The following CALN1 variants were observed in gnomAD, a reference collection of about 807,000 sequenced individuals.
CALN1 encodes the protein calneuron 1.
Under a neutral mutation model 30.6 loss-of-function variants are expected in CALN1, and 17 were observed. The observed-to-expected ratio is 0.56, with a 90% CI of 0.38 to 0.83. CALN1 has a LOEUF of 0.83. Among genes scored for constraint, CALN1 ranks in the 40% least tolerant of loss-of-function variants. The pLI is 0.00. For missense variants in CALN1, 291 were observed against 354.9 expected, an observed-to-expected ratio of 0.82 and a Z score of 1.45; for synonymous variants, 156 against 131.4, an observed-to-expected ratio of 1.19 and a Z score of -1.28.
In CALN1 at chr7:71,886,243, T is replaced by C. The variant is rs79497616; in HGVS notation, c.502-75751A>G. Among the ~76,000 whole-genome samples the C allele has an allele frequency of 5.2e-3, 792 of 152,354 alleles. 3 individuals are homozygous for C. Among genetic ancestry groups the C allele is most frequent in the Admixed American group, 0.015 (230 of 15,308 alleles). On this transcript the variant is annotated intron_variant, in intron 5 of 6. Transcript: ENST00000395275. The stretch of plus-strand genomic sequence containing the variant: ...CGAACATCTCCTTTGAAAGCTTCAT[T>C]GTTAAATCCAGCAGGGTCCTTAGGA...
At chr7:71,996,819 A>G (rs2129528268) in intron 5 of CALN1, among the ~76,000 whole-genome samples, 1 of 152,380 alleles carries the variant, frequency 6.6e-6, no homozygotes, top group African/African-American at 2.4e-5. Flanking sequence ...TGATGTTTCA[A>G]CAATCAATTA....
intron 5 of CALN1, among the ~76,000 whole-genome samples, chr7:71,929,726 G>T (rs1795450944): frequency 6.6e-6 from 1 of 152,174 alleles, no homozygotes; most frequent in Non-Finnish European, 1.5e-5. Context: ...GGTTTTTGTG[G>T]ATGTATGTTT....
At chr7:72,208,980 T>TACTTCCTTCCTTTC (rs1562738863) in intron 3 of CALN1, among the ~76,000 whole-genome samples, 29 of 149,104 alleles carry the variant, frequency 1.9e-4, no homozygotes, top group Non-Finnish European at 3.6e-4. Context: ...TCCTTCCTTT[T>TACTTCCTTCCTTTC]CCTACTTCCT....
chr7:72,307,924 C>T (rs922628458), intron 2 of CALN1, among the ~76,000 whole-genome samples: 1 of 152,080 alleles, frequency 6.6e-6, no homozygotes, highest in Admixed American at 6.5e-5. Flanking sequence ...CACAACCTAA[C>T]CCAAGAGGGT....
intron 3 of CALN1, among the ~76,000 whole-genome samples, chr7:72,177,102 C>T (rs191096411): frequency 6.6e-5 from 10 of 152,266 alleles, no homozygotes; most frequent in African/African-American, 2.4e-4. Context: ...TGGGTGTAAT[C>T]CTTAAAAGTG....
chr7:72,187,496 G>C (rs1196968927), intron 3 of CALN1, among the ~76,000 whole-genome samples: 1 of 152,144 alleles, frequency 6.6e-6, no homozygotes, highest in African/African-American at 2.4e-5. Context: ...ATTCTCATAG[G>C]AGCATAAGCC....
intron 3 of CALN1, among the ~76,000 whole-genome samples, chr7:72,180,500 T>G (rs2129546052): frequency 6.6e-6 from 1 of 151,628 alleles, no homozygotes. Flanking sequence ...AATTATTCAT[T>G]GACATCTTCA....
chr7:72,096,167 C>T (rs1269508753), intron 4 of CALN1, among the ~76,000 whole-genome samples: 1 of 152,152 alleles, frequency 6.6e-6, no homozygotes, highest in Non-Finnish European at 1.5e-5. Context: ...GCATCTTAAA[C>T]ATGCTTCCAA....
chr7:72,364,138 C>T (rs1247475679), intron 2 of CALN1, among the ~76,000 whole-genome samples: 1 of 151,380 alleles, frequency 6.6e-6, no homozygotes, highest in Admixed American at 6.6e-5. Context: ...GACACTTGAA[C>T]AAAAGAAAAC....
chr7:71,907,724 C>T (rs1309979400), intron 5 of CALN1, among the ~76,000 whole-genome samples: 5 of 152,178 alleles, frequency 3.3e-5, no homozygotes, highest in African/African-American at 1.2e-4. Flanking sequence ...ATGCATAGTG[C>T]CCTATCTGTG....
intron 2 of CALN1, among the ~76,000 whole-genome samples, chr7:72,344,519 TAA>T (rs1802525932): frequency 1.3e-5 from 2 of 149,588 alleles, no homozygotes; most frequent in Non-Finnish European, 3.0e-5. Flanking sequence ...TGCTTTCTGT[TAA>T]CTAACTCTGG....
At chr7:72,251,909 T>C (rs939332115) in intron 3 of CALN1, among the ~76,000 whole-genome samples, 6 of 152,212 alleles carry the variant, frequency 3.9e-5, no homozygotes, top group Non-Finnish European at 7.4e-5. Context: ...CATGTGACTC[T>C]ACACACATCT....
At chr7:72,159,802 A>G (rs1029114247) in intron 3 of CALN1, among the ~76,000 whole-genome samples, 1 of 152,218 alleles carries the variant, frequency 6.6e-6, no homozygotes, top group Non-Finnish European at 1.5e-5. Flanking sequence ...CATTTAAAAA[A>G]TAATAATAAA....
At chr7:72,044,599 CTTTTTTTTTTT>C (rs549079139) in intron 4 of CALN1, among the ~76,000 whole-genome samples, 2,471 of 96,710 alleles carry the variant, frequency 0.026, 82 homozygotes, top group African/African-American at 0.089. Context: ...CCGCTTAAAA[CTTTTTTTTTTT>C]TTTTTTTTTT....
At chr7:72,229,597 C>T (rs1359224848) in intron 3 of CALN1, among the ~76,000 whole-genome samples, 1 of 151,990 alleles carries the variant, frequency 6.6e-6, no homozygotes, top group Non-Finnish European at 1.5e-5. Context: ...GAATACTATG[C>T]AGCCATAAAG....
upstream of CALN1, among the ~76,000 whole-genome samples, chr7:72,414,079 C>T (rs549640435): frequency 6.6e-6 from 1 of 152,210 alleles, no homozygotes; most frequent in East Asian, 1.9e-4. Context: ...AATACCGTAT[C>T]TTCCCATCAC....
chr7:71,813,264 C>T (rs1336145076), intron 5 of CALN1, among the ~76,000 whole-genome samples: 3 of 152,070 alleles, frequency 2.0e-5, no homozygotes, highest in African/African-American at 7.2e-5. Context: ...AGGCTGGTTT[C>T]GAACTCCTGG....
intron 3 of CALN1, among the ~76,000 whole-genome samples, chr7:72,248,666 A>G (rs1024204070): frequency 6.6e-6 from 1 of 152,158 alleles, no homozygotes; most frequent in African/African-American, 2.4e-5. Flanking sequence ...ATCCTAATGT[A>G]GTCACATCTG....
At chr7:72,087,579 G>C (rs1001889599) in intron 4 of CALN1, among the ~76,000 whole-genome samples, 27 of 152,146 alleles carry the variant, frequency 1.8e-4, no homozygotes, top group African/African-American at 6.0e-4. Flanking sequence ...AAAGCGACAA[G>C]AGATAATTCC....
Sources: allele counts gnomAD v4.1 joint callset (sites outside exome capture counted in the v4.1 genomes callset), GRCh38; gene constraint gnomAD v4.1.1; transcripts MANE v1.5; gene names NCBI Gene and HGNC (gene_info 2026-07-23, HGNC 2026-07-21).